ABCC1: variants seen among roughly 807,000 people sequenced by gnomAD.
ABCC1 encodes multidrug resistance-associated protein 1.
ABCC1 carries 83 observed loss-of-function variants against 172.9 expected under a neutral mutation model. The observed-to-expected ratio is 0.48, with a 90% CI of 0.40 to 0.58. The LOEUF is 0.58. ABCC1 is among the 20% of genes least tolerant of loss of function. The pLI, the probability that ABCC1 is intolerant of heterozygous loss-of-function variation, is 0.00. For synonymous variants in ABCC1, 937 were observed against 825.2 expected, an observed-to-expected ratio of 1.14 and a Z score of -2.32; for missense variants, 1,817 against 2,002.7, an observed-to-expected ratio of 0.91 and a Z score of 1.77.
At chr16:16,081,841 G>C (rs1372473137) in intron 16 of ABCC1, among the ~76,000 whole-genome samples, 2 of 151,870 alleles carry the variant, frequency 1.3e-5, no homozygotes, top group Non-Finnish European at 2.9e-5. Context: ...CCAGCATGGC[G>C]AAACCCCGTC....
In ABCC1 at chr16:16,118,718, C is replaced by T. The variant is rs369623509; in HGVS notation, c.3391-3257C>T. 1.2e-3 allele frequency among the ~76,000 whole-genome samples: 179 copies of T among 151,488 alleles called. 1 individual carries two copies. The South Asian group carries it at 0.021, about 18-fold the overall frequency. ...GTTCTAGGTGCACTGTCGTTATCAC[C>T]GAGATGAAATGCATAATGTGTGTGG... On this transcript the variant is annotated intron_variant, in intron 23 of 30. Coordinates refer to ENST00000399410, the MANE Select transcript of ABCC1 (RefSeq NM_004996.4).
intron 12 of ABCC1, among the ~76,000 whole-genome samples, chr16:16,064,489 G>A (rs1000946322): frequency 2.0e-4 from 30 of 152,208 alleles, no homozygotes; most frequent in African/African-American, 7.2e-4. Flanking sequence ...GAGAAGCCAG[G>A]ACCATGGACC....
chr16:15,992,214 G>A (rs2046890686), intron 1 of ABCC1, among the ~76,000 whole-genome samples: 1 of 140,228 alleles, frequency 7.1e-6, no homozygotes, highest in African/African-American at 2.7e-5. Context: ...TCTAGTTGCA[G>A]GAAAACAAAC....
intron 1 of ABCC1, among the ~76,000 whole-genome samples, chr16:16,004,341 C>A (rs1169465931): frequency 1.3e-5 from 2 of 152,084 alleles, no homozygotes; most frequent in African/African-American, 2.4e-5. Flanking sequence ...GTCTTGGTAT[C>A]GTTTTCTTTC....
At chr16:15,980,238 C>T (rs2151580395) in intron 1 of ABCC1, among the ~76,000 whole-genome samples, 1 of 152,210 alleles carries the variant, frequency 6.6e-6, no homozygotes, top group African/African-American at 2.4e-5. Context: ...GGCATGGTGG[C>T]TTCTGCCTGT....
intron 29 of ABCC1, 27 bp from the exon 30 acceptor site, chr16:16,138,337 T>A: frequency 6.4e-7 from 1 of 1,553,546 alleles, no homozygotes; most frequent in South Asian, 1.2e-5. Flanking sequence ...CCCAACACTA[T>A]CTCCTGGTTT....
At chr16:15,998,995 A>G (rs113923712) in intron 1 of ABCC1, among the ~76,000 whole-genome samples, 1 of 151,848 alleles carries the variant, frequency 6.6e-6, no homozygotes, top group Non-Finnish European at 1.5e-5. Flanking sequence ...TAAAAAAATT[A>G]AAAAAAAATT....
chr16:16,112,223 G>A (rs1388611386), intron 22 of ABCC1, among the ~76,000 whole-genome samples: 1 of 152,018 alleles, frequency 6.6e-6, no homozygotes, highest in African/African-American at 2.4e-5. Flanking sequence ...TACAGGTCAC[G>A]TGGTGGTATG....
rs1332162396 is a variant in ABCC1, at chr16:16,085,947, C to G, written c.2293-877C>G. On this transcript the variant is annotated intron_variant, in intron 17 of 30. Coordinates refer to ENST00000399410, the MANE Select transcript of ABCC1 (RefSeq NM_004996.4). ...GAGCTGGCGCTGCTGCTGGTCCATG[C>G]ATTGTCCTTCCTCCTGGTGACTGGG... Among the ~76,000 whole-genome samples the G allele has an allele frequency of 4.6e-5, 7 of 152,298 alleles. No individual in the cohort carries two copies. In the East Asian group the frequency reaches 1.4e-3, roughly 29 times the overall value.
chr16:16,009,533 G>A (rs1375244565), intron 2 of ABCC1, among the ~76,000 whole-genome samples: 1 of 152,164 alleles, frequency 6.6e-6, no homozygotes, highest in African/African-American at 2.4e-5. Context: ...CAGACAAACA[G>A]TCCTGTTGGA....
intron 19 of ABCC1, among the ~76,000 whole-genome samples, chr16:16,098,692 C>T (rs561200228): frequency 9.8e-5 from 15 of 152,318 alleles, no homozygotes; most frequent in African/African-American, 1.7e-4. Context: ...GTGCTTGTCC[C>T]GGATCCACCC....
intron 1 of ABCC1, among the ~76,000 whole-genome samples, chr16:15,999,048 T>G (rs2047154084): frequency 6.6e-6 from 1 of 152,300 alleles, no homozygotes; most frequent in South Asian, 2.1e-4. Context: ...TCTCCCAGGC[T>G]GGAGTGCAGT....
At chr16:16,124,663 C>G in intron 24 of ABCC1, 126 bp from the exon 25 acceptor site, 2 of 1,384,600 alleles carry the variant, frequency 1.4e-6, no homozygotes, top group Non-Finnish European at 2.0e-6. Context: ...AGGAAGGACT[C>G]TCTCTGGAAT....
chr16:15,958,199 G>A lies in ABCC1; in HGVS notation c.48+8400G>A, dbSNP rs370135743. Among the ~76,000 whole-genome samples the A allele has an allele frequency of 1.4e-4, 21 of 152,234 alleles. No homozygotes were observed. In the East Asian group the frequency reaches 4.1e-3, roughly 29 times the overall value. ...CGGCTCACTGCAACCTCTGCCTCCC[G>A]GGTTCCAGTGATTCTGCTGCCTCAG... On this transcript the variant is annotated intron_variant, in intron 1 of 30. Transcript: ENST00000399410.
Position 16,012,598 on chromosome 16 carries a change from G to A in ABCC1, c.352-1893G>A, listed in dbSNP as rs187860959. Among the ~76,000 whole-genome samples the A allele has an allele frequency of 1.2e-3, 176 of 151,180 alleles. 6 individuals carry two copies. Among genetic ancestry groups the A allele is most frequent in the Non-Finnish European group, 2.2e-4 (15 of 67,856 alleles). On this transcript the variant is annotated intron_variant, in intron 3 of 30. Transcript: ENST00000399410. ...GATCCCTCTGCCTTGGCCTCCTAAA[G>A]TGGTGGGATTACAGGCATGAGCCAC...
rs576469597 is a variant in ABCC1 at position 16,100,020 on chromosome 16, A to G, written c.2645-2607A>G. Among the ~76,000 whole-genome samples, 9 of 152,220 alleles carry G rather than the reference A, an allele frequency of 5.9e-5. No homozygotes were observed. The South Asian group carries it at 1.9e-3, about 32-fold the overall frequency. ...AGGATCGATTGAACCCAAGAGGCAG[A>G]GGTTGCAGTGAGCCAAGATGGCACC... On this transcript the variant is annotated intron_variant, in intron 19 of 30. Transcript: ENST00000399410.
At chr16:16,070,210 C>G (rs1052525849) in intron 13 of ABCC1, among the ~76,000 whole-genome samples, 1 of 151,268 alleles carries the variant, frequency 6.6e-6, no homozygotes, top group African/African-American at 2.4e-5. Context: ...GACCCTTAAT[C>G]TACAAAAAAT....
At chr16:16,005,349 A>ATT (rs35956116) in intron 1 of ABCC1, among the ~76,000 whole-genome samples, 11 of 139,882 alleles carry the variant, frequency 7.9e-5, no homozygotes, top group African/African-American at 2.4e-4. Flanking sequence ...AGATTTTCTG[A>ATT]TTTTTTTTTT....
chr16:16,131,701 A>G (rs1451813007), intron 26 of ABCC1, 88 bp from the exon 27 acceptor site: 3 of 1,490,000 alleles, frequency 2.0e-6, no homozygotes, highest in African/African-American at 2.8e-5. Flanking sequence ...CTTGGGCAGC[A>G]GAGTGAGTGA....
Sources: gnomAD v4.1 joint callset for allele counts (sites outside exome capture counted in the v4.1 genomes callset) on GRCh38, gnomAD v4.1.1 for gene constraint, MANE v1.5 for transcripts, NCBI Gene and HGNC (gene_info 2026-07-23, HGNC 2026-07-21) for gene names.